Variants in CCDC12 observed in about 807,000 individuals in gnomAD.
The protein encoded by CCDC12 is coiled-coil domain containing 12.
CCDC12 carries 28 observed loss-of-function variants against 25.7 expected under a neutral mutation model. The ratio of observed to expected loss-of-function variants is 1.09; its 90% confidence interval spans 0.81 to 1.50. CCDC12 has a LOEUF of 1.50. CCDC12 is among the 40% of genes most tolerant of loss of function. The pLI is 0.00. For synonymous variants in CCDC12, 75 were observed against 87.7 expected, an observed-to-expected ratio of 0.86 and a Z score of 0.81; for missense variants, 198 against 210.0, an observed-to-expected ratio of 0.94 and a Z score of 0.35.
At chr3:46,953,757 G>A (rs1333928814) in intron 1 of CCDC12, among the ~76,000 whole-genome samples, 1 of 152,026 alleles carries the variant, frequency 6.6e-6, no homozygotes, top group Non-Finnish European at 1.5e-5. Context: ...AGTAGCAAAT[G>A]CAGCAGCCAA....
intron 1 of CCDC12, among the ~76,000 whole-genome samples, chr3:46,955,208 A>T (rs952064858): frequency 8.1e-5 from 2 of 24,654 alleles, no homozygotes; most frequent in Non-Finnish European, 3.3e-4. Context: ...CCTCGTGGGC[A>T]AGTCTGTTTT....
At chr3:46,936,988 A>G (rs2033469645) in intron 2 of CCDC12, among the ~76,000 whole-genome samples, 1 of 152,176 alleles carries the variant, frequency 6.6e-6, no homozygotes, top group Non-Finnish European at 1.5e-5. Flanking sequence ...AAACTAGGGA[A>G]CAAGAGGAAG....
At chr3:46,925,654 T>G in intron 2 of CCDC12, 119 bp from the exon 3 acceptor site, 1 of 867,916 alleles carries the variant, frequency 1.2e-6, no homozygotes, top group Non-Finnish European at 1.7e-6. Flanking sequence ...TCTCTGGAGA[T>G]AGCCTGGTAA....
chr3:46,978,856 G>A (rs1165972359), upstream of CCDC12, among the ~76,000 whole-genome samples: 4 of 152,100 alleles, frequency 2.6e-5, no homozygotes, highest in African/African-American at 4.8e-5. Context: ...GGTGACACGC[G>A]CCTGTAGTCC....
chr3:46,933,540 G>A (rs995635955), intron 2 of CCDC12, among the ~76,000 whole-genome samples: 1 of 152,230 alleles, frequency 6.6e-6, no homozygotes, highest in Admixed American at 6.5e-5. Context: ...TGCTGGAGCT[G>A]CCATCGCATC....
chr3:46,925,865 G>A (rs895644783), intron 2 of CCDC12, among the ~76,000 whole-genome samples: 1 of 152,226 alleles, frequency 6.6e-6, no homozygotes, highest in African/African-American at 2.4e-5. Flanking sequence ...AAGGGGACTG[G>A]AGGTCAGAGA....
chr3:46,947,404 G>A (rs1252407961), intron 1 of CCDC12, among the ~76,000 whole-genome samples: 4 of 152,200 alleles, frequency 2.6e-5, no homozygotes, highest in East Asian at 1.9e-4. Context: ...GGGTGCTGCC[G>A]TGGTGGGAGC....
chr3:46,975,652 T>A (rs1160965590), intron 1 of CCDC12, among the ~76,000 whole-genome samples: 3 of 148,656 alleles, frequency 2.0e-5, no homozygotes, highest in Non-Finnish European at 4.4e-5. Context: ...TGCCTCAGCT[T>A]CCCAAGTAGC....
At chr3:46,959,344 T>C (rs1381272533) in intron 1 of CCDC12, among the ~76,000 whole-genome samples, 1 of 152,212 alleles carries the variant, frequency 6.6e-6, no homozygotes, top group Admixed American at 6.5e-5. Context: ...AGCTGCAGTT[T>C]CTTCAACTGC....
At chr3:46,981,207 G>GCACT (rs2035309883), upstream of CCDC12, among the ~76,000 whole-genome samples, 2 of 152,194 alleles carry the variant, frequency 1.3e-5, no homozygotes, top group Admixed American at 1.3e-4. Flanking sequence ...CACTTTGGGA[G>GCACT]GCCGAGGCGG....
chr3:46,950,203 G>A (rs1295135280), intron 1 of CCDC12, among the ~76,000 whole-genome samples: 2 of 152,032 alleles, frequency 1.3e-5, no homozygotes, highest in Non-Finnish European at 2.9e-5. Flanking sequence ...CAAAAACCAA[G>A]AAAGCACTTA....
At chr3:46,928,329 T>TA (rs1292135699) in intron 2 of CCDC12, among the ~76,000 whole-genome samples, 1 of 152,170 alleles carries the variant, frequency 6.6e-6, no homozygotes, top group African/African-American at 2.4e-5. Flanking sequence ...ATCATGGAGA[T>TA]AAGGGAAGTA....
chr3:46,941,164 G>A (rs2033687018), intron 1 of CCDC12, 99 bp from the exon 2 acceptor site: 3 of 1,138,802 alleles, frequency 2.6e-6, no homozygotes, highest in South Asian at 2.5e-5. Flanking sequence ...CAGAAGGGGG[G>A]CACCTGGCAG....
chr3:46,945,590 G>A (rs183073680), intron 1 of CCDC12, among the ~76,000 whole-genome samples: 53 of 152,372 alleles, frequency 3.5e-4, no homozygotes, highest in South Asian at 6.2e-4. Context: ...AATAAAATTA[G>A]AGCTGTGCAA....
chr3:46,945,714 T>A (rs896089830), intron 1 of CCDC12, among the ~76,000 whole-genome samples: 1 of 152,238 alleles, frequency 6.6e-6, no homozygotes. Context: ...TTCTATTTCT[T>A]CTCCAGCCAG....
chr3:46,977,935 G>A (rs187571146), upstream of CCDC12, among the ~76,000 whole-genome samples: 3 of 152,334 alleles, frequency 2.0e-5, no homozygotes, highest in East Asian at 1.9e-4. Context: ...AGACCACTTA[G>A]GCTGAAGTCA....
chr3:46,964,269 C>T (rs563456056), intron 1 of CCDC12, among the ~76,000 whole-genome samples: 1,805 of 151,924 alleles, frequency 0.012, 26 homozygotes, highest in South Asian at 0.051. Context: ...GCAGCCACCC[C>T]GTCCGGGAGG....
At chr3:46,944,754 G>A (rs2033840924) in intron 1 of CCDC12, among the ~76,000 whole-genome samples, 1 of 151,358 alleles carries the variant, frequency 6.6e-6, no homozygotes, top group South Asian at 2.1e-4. Flanking sequence ...TCTCCAACCT[G>A]TCTCCCCTAA....
chr3:46,961,697 G>A (rs569852936), intron 1 of CCDC12, among the ~76,000 whole-genome samples: 1 of 152,336 alleles, frequency 6.6e-6, no homozygotes, highest in African/African-American at 2.4e-5. Context: ...TCCACTGAAG[G>A]GGTGGCATGA....
Sources: allele counts gnomAD v4.1 joint callset (sites outside exome capture counted in the v4.1 genomes callset), GRCh38; gene constraint gnomAD v4.1.1; transcripts MANE v1.5; gene names NCBI Gene and HGNC (gene_info 2026-07-23, HGNC 2026-07-21).